Variants in ZMAT4 observed in about 807,000 individuals in gnomAD.
ZMAT4 encodes the protein zinc finger matrin-type protein 4.
Under a neutral mutation model 28.7 loss-of-function variants are expected in ZMAT4, and 17 were observed. The ratio of observed to expected loss-of-function variants is 0.59; its 90% CI spans 0.41 to 0.89. The LOEUF is 0.89. Among genes scored for constraint, ZMAT4 ranks in the 40% least tolerant of loss-of-function variants. ZMAT4 has a pLI of 0.00. For synonymous variants in ZMAT4, 117 were observed against 109.2 expected (o/e 1.07, Z -0.44); for missense variants, 240 against 283.8 (o/e 0.85, Z 1.11).
intron 2 of ZMAT4, among the ~76,000 whole-genome samples, chr8:40,781,889 T>C (rs1006614190): frequency 6.7e-6 from 1 of 150,002 alleles, no homozygotes; most frequent in Non-Finnish European, 1.5e-5. Context: ...CAATTAAATA[T>C]ATGCAAAACA....
At chr8:40,638,355 A>G (rs1806873423) in intron 5 of ZMAT4, among the ~76,000 whole-genome samples, 1 of 152,230 alleles carries the variant, frequency 6.6e-6, no homozygotes, top group African/African-American at 2.4e-5. Flanking sequence ...TTGTCAATTA[A>G]AGATAAAGTT....
chr8:40,687,326 AG>A (rs1218703106), intron 4 of ZMAT4, among the ~76,000 whole-genome samples: 1 of 152,136 alleles, frequency 6.6e-6, no homozygotes, highest in East Asian at 1.9e-4. Flanking sequence ...AGGGAGCTTA[AG>A]GGAGCTGATC....
chr8:40,686,250 C>A (rs1317080847), intron 4 of ZMAT4, among the ~76,000 whole-genome samples: 2 of 152,052 alleles, frequency 1.3e-5, no homozygotes, highest in Non-Finnish European at 2.9e-5. Flanking sequence ...CACGATGGCT[C>A]ACACCTGTAA....
intron 3 of ZMAT4, among the ~76,000 whole-genome samples, chr8:40,749,816 C>T (rs542442298): frequency 6.6e-6 from 1 of 152,306 alleles, no homozygotes; most frequent in South Asian, 2.1e-4. Flanking sequence ...TAGGTGACCT[C>T]ACTTTTGATC....
intron 5 of ZMAT4, among the ~76,000 whole-genome samples, chr8:40,612,133 T>C (rs1805823405): frequency 6.6e-6 from 1 of 152,164 alleles, no homozygotes; most frequent in South Asian, 2.1e-4. Context: ...TTCACAGAGT[T>C]ATACAGGATC....
At chr8:40,716,422 T>C (rs540399192) in intron 3 of ZMAT4, among the ~76,000 whole-genome samples, 3 of 152,304 alleles carry the variant, frequency 2.0e-5, no homozygotes, top group African/African-American at 7.2e-5. Flanking sequence ...CCAGGCACAG[T>C]GGCTCATGCC....
At chr8:40,655,426 C>A (rs995572500) in intron 5 of ZMAT4, among the ~76,000 whole-genome samples, 41 of 151,612 alleles carry the variant, frequency 2.7e-4, no homozygotes, top group Non-Finnish European at 5.4e-4. Context: ...ATCCTAGCTG[C>A]CTTTTTGGAG....
intron 2 of ZMAT4, among the ~76,000 whole-genome samples, chr8:40,788,930 A>G (rs1273356303): frequency 6.8e-6 from 1 of 147,934 alleles, no homozygotes; most frequent in Non-Finnish European, 1.5e-5. Flanking sequence ...TTAAAAATCA[A>G]TTAATAGAAT....
At chr8:40,592,914 T>C (rs1380466982) in intron 5 of ZMAT4, among the ~76,000 whole-genome samples, 1 of 152,238 alleles carries the variant, frequency 6.6e-6, no homozygotes, top group Non-Finnish European at 1.5e-5. Context: ...GCTGTTTTTT[T>C]GTTTTGTTTT....
intron 1 of ZMAT4, among the ~76,000 whole-genome samples, chr8:40,856,771 A>T (rs1009761095): frequency 3.3e-5 from 5 of 151,950 alleles, no homozygotes; most frequent in African/African-American, 4.8e-5. Context: ...GGTGAAGGAG[A>T]TGTGGGATGC....
rs574374661 is a variant in ZMAT4, at chr8:40,709,808, G to T, written c.193-12407C>A. ...AATCCCAGGACTCTGGGAGGCTGAG[G>T]CTGGTAGATCACGAGGTCCGGAGTT... On this transcript the variant is annotated intron_variant, in intron 3 of 6. Transcript: ENST00000297737. 4.6e-5 allele frequency among the ~76,000 whole-genome samples: 7 copies of T among 152,304 alleles called. No individual in the cohort carries two copies. The East Asian group carries it at 1.4e-3, about 29-fold the overall frequency.
At chr8:40,708,783 G>A (rs1235693357) in intron 3 of ZMAT4, among the ~76,000 whole-genome samples, 4 of 150,398 alleles carry the variant, frequency 2.7e-5, no homozygotes, top group East Asian at 3.9e-4. Context: ...CCGAGTAGCC[G>A]GAATCACAGG....
At chr8:40,790,881 A>T (rs1247326801) in intron 2 of ZMAT4, among the ~76,000 whole-genome samples, 8 of 152,236 alleles carry the variant, frequency 5.3e-5, no homozygotes, top group Admixed American at 1.3e-4. Context: ...CTGCTTCAAG[A>T]TTATCAAAAA....
At chr8:40,536,181 C>T (rs1285717035) in intron 6 of ZMAT4, among the ~76,000 whole-genome samples, 3 of 152,204 alleles carry the variant, frequency 2.0e-5, no homozygotes, top group Non-Finnish European at 2.9e-5. Context: ...TATTTCCTAA[C>T]TTGGCCAATA....
intron 3 of ZMAT4, among the ~76,000 whole-genome samples, chr8:40,752,226 C>T (rs1812480431): frequency 6.6e-6 from 1 of 152,220 alleles, no homozygotes; most frequent in Non-Finnish European, 1.5e-5. Context: ...GAACCCAGCC[C>T]CCTCTCCTGG....
chr8:40,570,022 G>T (rs12546688), intron 6 of ZMAT4, among the ~76,000 whole-genome samples: 16,546 of 152,182 alleles, frequency 0.11, 1,158 homozygotes, highest in Admixed American at 0.2. Context: ...GTAAAACTCA[G>T]TGAGGGAACT....
At chr8:40,630,992 G>A (rs957930363) in intron 5 of ZMAT4, among the ~76,000 whole-genome samples, 2 of 149,196 alleles carry the variant, frequency 1.3e-5, no homozygotes, top group Admixed American at 6.6e-5. Flanking sequence ...TTTTTTTCAT[G>A]GCAAGTGTTG....
intron 5 of ZMAT4, among the ~76,000 whole-genome samples, chr8:40,632,147 C>G (rs1356680020): frequency 6.6e-6 from 1 of 152,092 alleles, no homozygotes; most frequent in Non-Finnish European, 1.5e-5. Context: ...CTGAGAATTC[C>G]TGGGGTGAAG....
intron 1 of ZMAT4, among the ~76,000 whole-genome samples, chr8:40,888,016 A>G (rs1198339661): frequency 6.6e-6 from 1 of 151,416 alleles, no homozygotes; most frequent in African/African-American, 2.4e-5. Context: ...AGGGCTTGGG[A>G]CCCTCTGCCT....
Sources: gnomAD v4.1 joint callset for allele counts (sites outside exome capture counted in the v4.1 genomes callset) on GRCh38, gnomAD v4.1.1 for gene constraint, MANE v1.5 for transcripts, NCBI Gene and HGNC (gene_info 2026-07-23, HGNC 2026-07-21) for gene names.